The following TLN2 variants were observed in gnomAD, a reference collection of about 807,000 sequenced individuals.
TLN2 encodes the protein talin 2.
A neutral mutation model predicts 294.7 loss-of-function variants in TLN2; 118 were observed. That is an observed-to-expected ratio of 0.40 (90% CI 0.34 to 0.47). The LOEUF is 0.47. Ranked by LOEUF, TLN2 falls within the 20% of genes least tolerant of loss-of-function variation. The pLI is 0.84. For missense variants in TLN2, 3,083 were observed against 3,282.2 expected (o/e 0.94, Z 1.48); for synonymous variants, 1,431 against 1,304.5 (o/e 1.10, Z -2.09).
At chr15:62,429,476 T>C (rs12592476) in intron 1 of TLN2, among the ~76,000 whole-genome samples, 75,601 of 152,050 alleles carry the variant, frequency 0.5, 19,326 homozygotes, top group Middle Eastern at 0.66. Flanking sequence ...TTGAGACCTG[T>C]CTTGGCCAGG....
At chr15:62,736,420 A>G (rs944427468) in intron 28 of TLN2, among the ~76,000 whole-genome samples, 2 of 152,162 alleles carry the variant, frequency 1.3e-5, no homozygotes, top group Non-Finnish European at 2.9e-5. Context: ...GATGGTGGAT[A>G]TGTGGCTGTA....
At chr15:62,665,497 C>T (rs990167223) in intron 9 of TLN2, among the ~76,000 whole-genome samples, 7 of 152,136 alleles carry the variant, frequency 4.6e-5, no homozygotes, top group East Asian at 1.9e-4. Context: ...CATGAGTCTG[C>T]GTGTTACGTG....
chr15:62,697,296 A>T (rs2058410626), intron 14 of TLN2, among the ~76,000 whole-genome samples: 1 of 152,132 alleles, frequency 6.6e-6, no homozygotes, highest in South Asian at 2.1e-4. Context: ...TTTTGTAGAG[A>T]CGAGGTCTCA....
chr15:62,711,883 A>C (rs2059450862), intron 21 of TLN2, 28 bp from the exon 22 acceptor site: 9 of 1,582,378 alleles, frequency 5.7e-6, no homozygotes, highest in Middle Eastern at 2.0e-4. Flanking sequence ...GCAGACAAAC[A>C]GACCTCATCC....
chr15:62,503,293 G>A (rs2039409686), intron 1 of TLN2, among the ~76,000 whole-genome samples: 1 of 152,204 alleles, frequency 6.6e-6, no homozygotes, highest in East Asian at 1.9e-4. Flanking sequence ...CATCAGTCCT[G>A]TGTCACCAGC....
chr15:62,769,726 C>T (rs571017357), intron 41 of TLN2, among the ~76,000 whole-genome samples: 61 of 152,110 alleles, frequency 4.0e-4, no homozygotes, highest in African/African-American at 1.4e-3. Context: ...TGTCCACATC[C>T]CCACAACACT....
intron 1 of TLN2, among the ~76,000 whole-genome samples, chr15:62,578,846 C>T (rs898723279): frequency 1.3e-5 from 2 of 152,164 alleles, no homozygotes; most frequent in African/African-American, 4.8e-5. Context: ...AGCAAGGATG[C>T]CCCTGGCCTT....
intron 1 of TLN2, among the ~76,000 whole-genome samples, chr15:62,444,924 G>C (rs550274076): frequency 6.6e-6 from 1 of 152,272 alleles, no homozygotes; most frequent in East Asian, 1.9e-4. Context: ...TTTGGGGGTT[G>C]GTTGAGAGCC....
chr15:62,639,470 G>A (rs1172454660), intron 3 of TLN2, among the ~76,000 whole-genome samples: 2 of 152,158 alleles, frequency 1.3e-5, no homozygotes, highest in African/African-American at 2.4e-5. Context: ...GAGTTTTAAC[G>A]ATAGTCATTT....
chr15:62,590,290 C>G (rs968244378), intron 2 of TLN2, among the ~76,000 whole-genome samples: 134 of 152,080 alleles, frequency 8.8e-4, no homozygotes, highest in Non-Finnish European at 1.9e-4. Context: ...GTTATTTTTC[C>G]TGATCCTCTC....
At position 62,796,324 on chromosome 15, in the gene TLN2, C is replaced by T. The variant is rs749442218; in HGVS notation, c.6050+31C>T. On this transcript the variant is annotated intron_variant, in intron 47 of 58. Coordinates refer to ENST00000636159, the MANE Select transcript of TLN2 (RefSeq NM_015059.3). ...TGGGGGTCCTGGACGGGGAGAGGTTCAGGCTGGCCTGCCCCTGAAACTCAT... is the reference window on the plus strand; with the variant it reads ...TGGGGGTCCTGGACGGGGAGAGGTTTAGGCTGGCCTGCCCCTGAAACTCAT... 1.9e-6 allele frequency: 3 copies of T among 1,588,258 alleles called. No homozygotes were observed. The Admixed American group carries it at 5.4e-5, about 28-fold the overall frequency.
intron 1 of TLN2, among the ~76,000 whole-genome samples, chr15:62,530,097 A>G (rs1373593317): frequency 6.6e-6 from 1 of 152,168 alleles, no homozygotes; most frequent in Non-Finnish European, 1.5e-5. Flanking sequence ...AGGCTGAGGC[A>G]GGAGAATTGC....
At chr15:62,755,848 C>A (rs772452357) in intron 37 of TLN2, among the ~76,000 whole-genome samples, 155 bp downstream of exon 37, 7 of 152,218 alleles carry the variant, frequency 4.6e-5, no homozygotes, top group African/African-American at 7.2e-5. Context: ...GCATCCCTTA[C>A]TAATGGAGAT....
intron 21 of TLN2, among the ~76,000 whole-genome samples, chr15:62,710,617 T>C (rs540782790): frequency 1.3e-5 from 2 of 152,110 alleles, no homozygotes; most frequent in African/African-American, 4.8e-5. Context: ...CCCTAAAGGA[T>C]AGCACATTTG....
chr15:62,739,578 T>C (rs746701666), intron 31 of TLN2, 33 bp downstream of exon 31: 33 of 1,610,856 alleles, frequency 2.0e-5, no homozygotes, highest in Middle Eastern at 1.6e-4. Flanking sequence ...GGAGTTGACC[T>C]TAGCCTCTCC....
chr15:62,812,662 C>T (rs141500663), intron 52 of TLN2, among the ~76,000 whole-genome samples: 1 of 152,332 alleles, frequency 6.6e-6, no homozygotes, highest in African/African-American at 2.4e-5. Context: ...ACTCTAAACC[C>T]TATCCCAGTA....
intron 58 of TLN2, among the ~76,000 whole-genome samples, chr15:62,840,178 C>G (rs2070462051): frequency 6.6e-6 from 1 of 152,166 alleles, no homozygotes; most frequent in Non-Finnish European, 1.5e-5. Flanking sequence ...ACAGGGCAGC[C>G]CCTTCAGTGA....
chr15:62,452,427 T>C (rs2036212134), intron 1 of TLN2, among the ~76,000 whole-genome samples: 1 of 152,174 alleles, frequency 6.6e-6, no homozygotes. Context: ...ACGTCGACAG[T>C]TTAAAAACAC....
chr15:62,511,085 G>A (rs2039909284), intron 1 of TLN2, among the ~76,000 whole-genome samples: 1 of 152,174 alleles, frequency 6.6e-6, no homozygotes, highest in Non-Finnish European at 1.5e-5. Flanking sequence ...TCTTCACTAT[G>A]GAGTGACCTC....
Sources: allele counts gnomAD v4.1 joint callset (sites outside exome capture counted in the v4.1 genomes callset), GRCh38; gene constraint gnomAD v4.1.1; transcripts MANE v1.5; gene names NCBI Gene and HGNC (gene_info 2026-07-23, HGNC 2026-07-21).